PIBF1: variants seen among roughly 807,000 people sequenced by gnomAD.
PIBF1 encodes the protein progesterone-induced-blocking factor 1.
PIBF1 carries 90 observed loss-of-function variants against 112.5 expected under a neutral mutation model. That is an observed-to-expected ratio of 0.80 (90% CI 0.67 to 0.95). The LOEUF (loss-of-function observed/expected upper bound fraction) is 0.95. Among genes scored for constraint, PIBF1 ranks in the 40% least tolerant of loss-of-function variants. The pLI, the probability that PIBF1 is intolerant of heterozygous loss-of-function variation, is 0.00. For synonymous variants in PIBF1, 301 were observed against 288.6 expected (o/e 1.04, Z -0.44); for missense variants, 915 against 852.3 (o/e 1.07, Z -0.92).
intron 9 of PIBF1, among the ~76,000 whole-genome samples, chr13:72,841,726 T>C (rs1204660952): frequency 2.0e-5 from 3 of 152,054 alleles, no homozygotes; most frequent in South Asian, 2.1e-4. Flanking sequence ...GCCAAGATCA[T>C]GCCATTTGCA....
intron 10 of PIBF1, among the ~76,000 whole-genome samples, chr13:72,858,271 C>T (rs1344632950): frequency 6.6e-6 from 1 of 152,086 alleles, no homozygotes; most frequent in Non-Finnish European, 1.5e-5. Context: ...AGTCTGGTCT[C>T]GAATTCGTGA....
In PIBF1 at chr13:72,850,693, TG is replaced by T. The variant is rs572390828; in HGVS notation, c.1224-3362del. On this transcript the variant is annotated intron_variant, in intron 9 of 17. Coordinates refer to ENST00000326291, the MANE Select transcript of PIBF1 (RefSeq NM_006346.4). ...AGAAATGAACATTGAAACCAATTTGTGGTGATTTACTGACTAAAATATTTAC... is the reference window on the plus strand; with the variant it reads ...AGAAATGAACATTGAAACCAATTTGTGTGATTTACTGACTAAAATATTTAC... Among the ~76,000 whole-genome samples, 182 of 152,350 alleles carry T rather than the reference TG, an allele frequency of 1.2e-3. 1 individual carries two copies. The highest frequency in any genetic ancestry group is 3.0e-3 in the Admixed American group (46 of 15,302).
At chr13:72,942,164 A>G (rs1412837743) in intron 14 of PIBF1, among the ~76,000 whole-genome samples, 2 of 151,798 alleles carry the variant, frequency 1.3e-5, no homozygotes, top group African/African-American at 2.4e-5. Flanking sequence ...CCACACCTCA[A>G]CATTATAAAG....
At chr13:73,007,932 A>G (rs552364734) in intron 17 of PIBF1, among the ~76,000 whole-genome samples, 35 of 152,322 alleles carry the variant, frequency 2.3e-4, no homozygotes, top group Non-Finnish European at 4.1e-4. Flanking sequence ...AGAAACTTCC[A>G]GTGTTTGGAA....
intron 5 of PIBF1, among the ~76,000 whole-genome samples, chr13:72,811,608 A>G (rs112171153): frequency 1.6e-4 from 23 of 139,636 alleles, no homozygotes; most frequent in Non-Finnish European, 2.4e-4. Flanking sequence ...AAAAAAAAAA[A>G]AGAGAGAGAA....
chr13:72,822,092 C>A, intron 6 of PIBF1, 110 bp downstream of exon 6: 1 of 956,110 alleles, frequency 1.0e-6, no homozygotes, highest in Non-Finnish European at 1.5e-6. Flanking sequence ...CCTTATTCTT[C>A]TTTGCACAAA....
chr13:72,931,739 TATATGTATGC>T (rs2041707835), intron 14 of PIBF1, among the ~76,000 whole-genome samples: 1 of 145,350 alleles, frequency 6.9e-6, no homozygotes, highest in South Asian at 2.2e-4. Flanking sequence ...TATATATATA[TATATGTATGC>T]ATTTTACATA....
chr13:72,927,945 G>GTATATATA (rs774258929), intron 13 of PIBF1, among the ~76,000 whole-genome samples: 12 of 87,854 alleles, frequency 1.4e-4, no homozygotes, highest in African/African-American at 6.3e-4. Context: ...ATATATGTGT[G>GTATATATA]TATATATATA....
intron 14 of PIBF1, among the ~76,000 whole-genome samples, chr13:72,947,894 C>G (rs1345507794): frequency 1.3e-5 from 2 of 152,216 alleles, no homozygotes; most frequent in Admixed American, 1.3e-4. Flanking sequence ...CCATGGAATA[C>G]TATGTAGCCA....
intron 5 of PIBF1, among the ~76,000 whole-genome samples, chr13:72,807,155 T>C (rs1343427924): frequency 6.7e-6 from 1 of 149,094 alleles, no homozygotes; most frequent in Non-Finnish European, 1.5e-5. Flanking sequence ...TTGTTTTCTC[T>C]TTAGTAGGTG....
chr13:72,839,900 C>A (rs548412888), intron 9 of PIBF1, among the ~76,000 whole-genome samples: 2 of 152,116 alleles, frequency 1.3e-5, no homozygotes, highest in Non-Finnish European at 2.9e-5. Context: ...CTTCTGACCC[C>A]CTATCCACAT....
chr13:72,917,203 A>C, intron 13 of PIBF1, 37 bp downstream of exon 13: 1 of 1,206,832 alleles, frequency 8.3e-7, no homozygotes, highest in Non-Finnish European at 1.2e-6. Context: ...TTATCTACTC[A>C]AGATGAATGT....
chr13:72,993,379 G>A (rs7996998), intron 16 of PIBF1, among the ~76,000 whole-genome samples: 71,197 of 151,858 alleles, frequency 0.47, 18,438 homozygotes, highest in African/African-American at 0.69. Context: ...AATTGCGAAA[G>A]TCAAAATCAT....
At chr13:72,957,325 TACTC>T (rs1312625310) in intron 14 of PIBF1, among the ~76,000 whole-genome samples, 4 of 152,188 alleles carry the variant, frequency 2.6e-5, no homozygotes, top group Non-Finnish European at 4.4e-5. Flanking sequence ...CATGGAATAT[TACTC>T]AGCCATAAAA....
rs117858715 is a variant in PIBF1, at chr13:72,852,832, T to C, written c.1224-1225T>C. 8.5e-3 allele frequency among the ~76,000 whole-genome samples: 1,295 copies of C among 152,236 alleles called. 65 individuals are homozygous for C. Among genetic ancestry groups the C allele is most frequent in the East Asian group, 9.5e-3 (49 of 5,164 alleles). On this transcript the variant is annotated intron_variant, in intron 9 of 17. Transcript: ENST00000326291. ...CAACCCAGTTTTTCATGAGAGATAG[T>C]GTGGCATGATGTAAAAAGCCCTGGC...
chr13:72,908,773 GCA>G, intron 12 of PIBF1, 92 bp downstream of exon 12: 1 of 1,177,448 alleles, frequency 8.5e-7, no homozygotes, highest in South Asian at 1.5e-5. Flanking sequence ...TTGGGATCAG[GCA>G]CGGTGGCTCA....
At chr13:72,787,899 A>G (rs9592868) in intron 2 of PIBF1, among the ~76,000 whole-genome samples, 4,099 of 152,174 alleles carry the variant, frequency 0.027, 73 homozygotes, top group Non-Finnish European at 0.041. Context: ...GCCTCAAGCA[A>G]TCCACCCATT....
At chr13:72,840,908 A>G (rs2037582516) in intron 9 of PIBF1, among the ~76,000 whole-genome samples, 1 of 152,206 alleles carries the variant, frequency 6.6e-6, no homozygotes, top group Non-Finnish European at 1.5e-5. Context: ...ACATTGGAGG[A>G]TATTAAAAGG....
intron 5 of PIBF1, among the ~76,000 whole-genome samples, chr13:72,800,188 A>G (rs1038370457): frequency 7.9e-5 from 12 of 152,102 alleles, no homozygotes; most frequent in Non-Finnish European, 1.6e-4. Context: ...GGCATGCGCT[A>G]CCACACCTGG....
Sources: gnomAD v4.1 joint callset for allele counts (sites outside exome capture counted in the v4.1 genomes callset) on GRCh38, gnomAD v4.1.1 for gene constraint, MANE v1.5 for transcripts, NCBI Gene and HGNC (gene_info 2026-07-23, HGNC 2026-07-21) for gene names.